Variants in SYNGR1 observed in about 807,000 individuals in gnomAD.
SYNGR1 encodes synaptogyrin-1.
In SYNGR1, 14 loss-of-function variants were observed where a neutral mutation model predicts 26.1. The ratio of observed to expected loss-of-function variants is 0.54; its 90% confidence interval spans 0.35 to 0.84. The LOEUF (loss-of-function observed/expected upper bound fraction) is 0.84, where lower values mean the gene tolerates loss of function less well. Ranked by LOEUF, SYNGR1 falls within the 40% of genes least tolerant of loss-of-function variation. The pLI is 0.01. For missense variants in SYNGR1, 319 were observed against 332.9 expected (o/e 0.96, Z 0.33); for synonymous variants, 141 against 150.1 (o/e 0.94, Z 0.44).
chr22:39,368,154 G>T (rs113077518), intron 1 of SYNGR1, among the ~76,000 whole-genome samples: 8 of 152,336 alleles, frequency 5.3e-5, no homozygotes, highest in African/African-American at 1.7e-4. Context: ...TTTAGTGGCA[G>T]TCTAGCCTTC....
intron 3 of SYNGR1, chr22:39,376,947 CG>C: frequency 6.5e-7 from 1 of 1,546,818 alleles, no homozygotes; most frequent in Non-Finnish European, 8.7e-7. Flanking sequence ...GCTGGCAGCT[CG>C]GCTGGCCCCT....
rs1396120564 is a variant in SYNGR1, at chr22:39,350,476, A to G, written c.99+367A>G. 6.6e-6 allele frequency among the ~76,000 whole-genome samples: 1 copy of G among 151,380 alleles called. No homozygotes were observed. Among genetic ancestry groups the G allele is most frequent in the Non-Finnish European group, 1.5e-5 (1 of 67,902 alleles). ...GGCGGACTGGGGACCGTGGGGACGG[A>G]GCCAGGGTTTAAGGTGGCCTTTTTT... On this transcript the variant is annotated intron_variant, in intron 1 of 3. Transcript: ENST00000328933. This position sits in a 1 kb window ranked among gnomAD's most constrained non-coding sequence, Gnocchi z 4.3.
chr22:39,385,167 G>C lies in SYNGR1; in HGVS notation c.*3253G>C. On this transcript the variant is annotated 3_prime_UTR_variant, in exon 4 of 4. Coordinates refer to ENST00000328933, the MANE Select transcript of SYNGR1 (RefSeq NM_004711.5). The stretch of plus-strand genomic sequence containing the variant: ...GATTCTCTAAGGAGCACGAAAGGGG[G>C]AATGCCCCTCCCAGGAGTTTATGGG... The C allele has an allele frequency of 2.5e-6, 1 of 396,712 alleles. No homozygotes were observed. The highest frequency in any genetic ancestry group is 4.4e-6 in the Non-Finnish European group (1 of 225,038). 24.6% of individuals were successfully genotyped at this position (396,712 alleles called of 1,614,324 possible). A position where few individuals can be genotyped will look rare whatever the true frequency, so the allele number is the denominator to read the frequency against.
In SYNGR1 at chr22:39,373,138, TACACAC is replaced by T. The variant is rs10548475; in HGVS notation, c.100-1154_100-1149del. ...GTGTCTATTGTTATTTTCTATTTAA[TACACAC>T]ACACACACACACACACACACACATA... On this transcript the variant is annotated intron_variant, in intron 1 of 3. Coordinates refer to ENST00000328933, the MANE Select transcript of SYNGR1 (RefSeq NM_004711.5). 2.5e-4 allele frequency among the ~76,000 whole-genome samples: 37 copies of T among 146,406 alleles called. No homozygotes were observed. The South Asian group carries it at 5.1e-3, about 20-fold the overall frequency.
intron 3 of SYNGR1, chr22:39,379,805 C>T (rs540442998): frequency 6.6e-6 from 1 of 152,224 alleles, no homozygotes; most frequent in East Asian, 1.9e-4. Context: ...GGTGAGGGCG[C>T]CCTGACCTGG....
intron 3 of SYNGR1, chr22:39,377,782 A>C: frequency 6.5e-7 from 1 of 1,550,048 alleles, no homozygotes; most frequent in Admixed American, 1.9e-5. Context: ...CCAAGATGCC[A>C]GGGCATGCAG....
At chr22:39,356,650 C>G (rs936193384) in intron 1 of SYNGR1, among the ~76,000 whole-genome samples, 1 of 152,068 alleles carries the variant, frequency 6.6e-6, no homozygotes, top group African/African-American at 2.4e-5. Context: ...GATGGCAGGG[C>G]TGTTGGAGGG....
chr22:39,366,236 A>G (rs1012891417), intron 1 of SYNGR1, among the ~76,000 whole-genome samples: 1 of 150,844 alleles, frequency 6.6e-6, no homozygotes, highest in African/African-American at 2.4e-5. Flanking sequence ...TGATCCACCT[A>G]CCTCGGCCTC....
chr22:39,353,379 G>T (rs1217819130), intron 1 of SYNGR1, among the ~76,000 whole-genome samples: 1 of 151,350 alleles, frequency 6.6e-6, no homozygotes, highest in Non-Finnish European at 1.5e-5. Context: ...GGATCTTGCT[G>T]TGTTGCCCAG....
At chr22:39,376,684 G>A (rs1158568679) in intron 3 of SYNGR1, among the ~76,000 whole-genome samples, 1 of 152,194 alleles carries the variant, frequency 6.6e-6, no homozygotes, top group African/African-American at 2.4e-5. Flanking sequence ...GGGGACACAG[G>A]TGTCGACATC....
chr22:39,366,830 A>G (rs756721830), intron 1 of SYNGR1, among the ~76,000 whole-genome samples: 4 of 152,136 alleles, frequency 2.6e-5, no homozygotes, highest in South Asian at 2.1e-4. Flanking sequence ...CCTAAGTCGC[A>G]TCAAGTCACT....
In SYNGR1 at chr22:39,350,890, G is replaced by A. The variant is rs965837204; in HGVS notation, c.99+781G>A. On this transcript the variant is annotated intron_variant, in intron 1 of 3. Transcript: ENST00000328933. This position sits in a 1 kb window ranked among gnomAD's most constrained non-coding sequence, Gnocchi z 4.3. ...ATGCACCTGGATGCCCAAGGCGGGT[G>A]TCTGGGAGAAAGGTCTGCTCCCACA... Among the ~76,000 whole-genome samples, 1 of 152,208 alleles carries A rather than the reference G, an allele frequency of 6.6e-6. No individual in the cohort carries two copies. The highest frequency in any genetic ancestry group is 1.5e-5 in the Non-Finnish European group (1 of 68,030).
rs563617277 is a variant in SYNGR1, at chr22:39,376,974, G to C, written c.483+777G>C. ...GCTGGCCCCTCTTTCCCACTGGTCT[G>C]GGTCATGTCTGTTTCTTCTCTCCTA... On this transcript the variant is annotated intron_variant, in intron 3 of 3. Coordinates refer to ENST00000328933, the MANE Select transcript of SYNGR1 (RefSeq NM_004711.5). The C allele has an allele frequency of 3.2e-6, 5 of 1,550,422 alleles. No homozygotes were observed. In the Admixed American group the frequency reaches 9.8e-5, roughly 30 times the overall value.
chr22:39,367,463 G>A (rs1331888664), intron 1 of SYNGR1, among the ~76,000 whole-genome samples: 1 of 152,202 alleles, frequency 6.6e-6, no homozygotes, highest in Non-Finnish European at 1.5e-5. Flanking sequence ...GGGAGTGGAA[G>A]GAGGTGAGAC....
intron 1 of SYNGR1, among the ~76,000 whole-genome samples, chr22:39,370,836 G>C (rs994308142): frequency 6.6e-6 from 1 of 151,886 alleles, no homozygotes; most frequent in Non-Finnish European, 1.5e-5. Context: ...GGCCAGGCTA[G>C]TCTCGAACTC....
intron 3 of SYNGR1, chr22:39,377,878 T>G (rs1289090980): frequency 3.4e-6 from 5 of 1,473,732 alleles, no homozygotes. Flanking sequence ...TGATTCTTCA[T>G]GCGTTCATTC....
chr22:39,363,407 G>A (rs1472175885), intron 1 of SYNGR1, among the ~76,000 whole-genome samples: 1 of 152,054 alleles, frequency 6.6e-6, no homozygotes, highest in East Asian at 1.9e-4. Flanking sequence ...GGTGACAGTG[G>A]CCTGCCCCAG....
At chr22:39,368,809 C>A (rs1416137858) in intron 1 of SYNGR1, among the ~76,000 whole-genome samples, 2 of 152,214 alleles carry the variant, frequency 1.3e-5, no homozygotes, top group Non-Finnish European at 2.9e-5. Flanking sequence ...TCCTCCAGCC[C>A]CCGGAAGCAT....
intron 1 of SYNGR1, among the ~76,000 whole-genome samples, chr22:39,351,234 A>G (rs920462728): frequency 2.6e-5 from 4 of 152,160 alleles, no homozygotes; most frequent in Admixed American, 1.3e-4. Context: ...CAGGGACCCC[A>G]GGGGCTACCC....
Sources: allele counts gnomAD v4.1 joint callset (sites outside exome capture counted in the v4.1 genomes callset), GRCh38; gene constraint gnomAD v4.1.1; non-coding constraint Gnocchi (gnomAD v3.1); transcripts MANE v1.5; gene names NCBI Gene and HGNC (gene_info 2026-07-23, HGNC 2026-07-21).